Variants in ST8SIA5 observed in about 807,000 individuals in gnomAD.
The protein encoded by ST8SIA5 is ST8 alpha-N-acetyl-neuraminide alpha-2,8-sialyltransferase 5.
ST8SIA5 carries 24 observed loss-of-function variants against 40.2 expected under a neutral mutation model. The ratio of observed to expected loss-of-function variants is 0.60; its 90% CI spans 0.43 to 0.84. The LOEUF (loss-of-function observed/expected upper bound fraction) is 0.84. ST8SIA5 is among the 40% of genes least tolerant of loss of function. The pLI is 0.00. For synonymous variants in ST8SIA5, 198 were observed against 201.8 expected (o/e 0.98, Z 0.16); for missense variants, 465 against 498.5 (o/e 0.93, Z 0.64).
Position 46,677,963 on chromosome 18 carries a change from A to G in ST8SIA5, c.*2079T>C, listed in dbSNP as rs1411635135. On this transcript the variant is annotated 3_prime_UTR_variant, in exon 7 of 7. Transcript: ENST00000315087. ...AAAGTGGAACAAAATGGTCTTTAAG[A>G]ACCTTCTAGTTTTTATATTCCATGG... 2.0e-5 allele frequency: 3 copies of G among 152,208 alleles called. No individual in the cohort carries two copies. Among genetic ancestry groups the G allele is most frequent in the African/African-American group, 7.2e-5 (3 of 41,452 alleles). 9.4% of individuals were successfully genotyped at this position (152,208 alleles called of 1,614,324 possible).
At chr18:46,729,289 C>A (rs1169582247) in intron 1 of ST8SIA5, among the ~76,000 whole-genome samples, 1 of 152,106 alleles carries the variant, frequency 6.6e-6, no homozygotes, top group African/African-American at 2.4e-5. Context: ...ATGGTCCTTC[C>A]TAGGGAAGAA....
intron 1 of ST8SIA5, among the ~76,000 whole-genome samples, chr18:46,745,265 A>G (rs1468939778): frequency 1.3e-5 from 2 of 152,206 alleles, no homozygotes; most frequent in East Asian, 3.8e-4. Context: ...CAAAAAATCA[A>G]CAAATCCAGG....
At chr18:46,683,058 G>A (rs1250985373) in intron 5 of ST8SIA5, among the ~76,000 whole-genome samples, 1 of 152,056 alleles carries the variant, frequency 6.6e-6, no homozygotes, top group East Asian at 1.9e-4. Flanking sequence ...AATAGGAAAC[G>A]AATACGGCCC....
At chr18:46,697,833 T>A (rs1157087542) in intron 2 of ST8SIA5, among the ~76,000 whole-genome samples, 2 of 151,066 alleles carry the variant, frequency 1.3e-5, no homozygotes, top group African/African-American at 4.9e-5. Flanking sequence ...AGTTGAAGAG[T>A]CTGGACACAA....
At chr18:46,726,895 G>T (rs1252436019) in intron 1 of ST8SIA5, among the ~76,000 whole-genome samples, 1 of 152,158 alleles carries the variant, frequency 6.6e-6, no homozygotes, top group Non-Finnish European at 1.5e-5. Flanking sequence ...TGAGCAAACA[G>T]AGCGAGACTC....
intron 3 of ST8SIA5, chr18:46,691,563 C>T (rs1315102857): frequency 6.5e-6 from 1 of 152,858 alleles, no homozygotes; most frequent in Non-Finnish European, 1.5e-5. Context: ...CTAAAGTTCA[C>T]CATCCATCAA....
At chr18:46,717,133 G>A (rs867388137) in intron 1 of ST8SIA5, among the ~76,000 whole-genome samples, 20 of 152,202 alleles carry the variant, frequency 1.3e-4, no homozygotes, top group Admixed American at 6.5e-4. Flanking sequence ...TGAGGGCACC[G>A]CTGCCTCCCC....
rs919622909 is a variant in ST8SIA5 at position 46,756,827 on chromosome 18, G to A, written c.-319C>T. ...GCCGATTTCCCCGCGGAGGGGAGAC[G>A]CCAGGTGCCACGAGCCGGAGGCGGC... is the stretch of plus-strand genomic sequence containing the variant. On this transcript the variant is annotated 5_prime_UTR_variant, in exon 1 of 7. Coordinates refer to ENST00000315087, the MANE Select transcript of ST8SIA5 (RefSeq NM_013305.6). 3.3e-6 allele frequency: 1 copy of A among 298,584 alleles called. No individual in the cohort carries two copies. The highest frequency in any genetic ancestry group is 6.2e-6 in the Non-Finnish European group (1 of 162,262). 18.5% of individuals were successfully genotyped at this position (298,584 alleles called of 1,614,324 possible).
At chr18:46,696,223 C>T (rs1001053155) in intron 2 of ST8SIA5, among the ~76,000 whole-genome samples, 29 of 152,170 alleles carry the variant, frequency 1.9e-4, no homozygotes, top group African/African-American at 7.0e-4. Context: ...ACCTTCCTTC[C>T]AGCTTTCCCA....
chr18:46,754,532 G>A (rs2040223439), intron 1 of ST8SIA5, among the ~76,000 whole-genome samples: 1 of 152,134 alleles, frequency 6.6e-6, no homozygotes, highest in African/African-American at 2.4e-5. Flanking sequence ...ACGCTTCCAG[G>A]ATCAGCCCTA....
rs928237077 is a variant in ST8SIA5 at position 46,756,853 on chromosome 18, C to T, written c.-345G>A. ...CCAGGTGCCACGAGCCGGAGGCGGC[C>T]CCTCCCGCCGAGGTGGCGGCCAATG... is the stretch of plus-strand genomic sequence containing the variant. On this transcript the variant is annotated 5_prime_UTR_variant, in exon 1 of 7. Coordinates refer to ENST00000315087, the MANE Select transcript of ST8SIA5 (RefSeq NM_013305.6). 133 of 260,670 alleles carry T rather than the reference C, an allele frequency of 5.1e-4. 2 individuals carry two copies. The highest frequency in any genetic ancestry group is 1.2e-4 in the Admixed American group (2 of 17,260). The allele number at this position is 260,670 out of a possible 1,614,324, so 16.1% of individuals were successfully genotyped here.
rs1394902925 is a variant in ST8SIA5 at position 46,680,487 on chromosome 18, C to T, written c.686G>A (p.Arg229Gln). The change falls in exon 7 of 7, where the codon CGG (arginine) becomes CAG (glutamine). Residue 229 changes from arginine to glutamine, a missense_variant. By Grantham distance (43) the Arg-to-Gln change is conservative (BLOSUM62 1). Transcript: ENST00000315087. ...TERFHKLEKW[R>Q]RPFYRVLQVY... Reference sequence around the variant, plus strand: ...CTGCAGCACGCGATAGAACGGCCGCCGCCACTTCTCCAGCTTGTGGAACCT... The same window carrying T: ...CTGCAGCACGCGATAGAACGGCCGCTGCCACTTCTCCAGCTTGTGGAACCT... 1.3e-6 allele frequency: 2 copies of T among 1,595,340 alleles called. No individual in the cohort carries two copies. Among genetic ancestry groups the T allele is most frequent in the Admixed American group, 1.7e-5 (1 of 59,042 alleles).
At chr18:46,712,045 A>C (rs1422751979) in intron 1 of ST8SIA5, among the ~76,000 whole-genome samples, 1 of 152,192 alleles carries the variant, frequency 6.6e-6, no homozygotes, top group Non-Finnish European at 1.5e-5. Flanking sequence ...TGGGGGTAGC[A>C]GGGCAAAGCC....
In ST8SIA5 at chr18:46,710,403, C is replaced by CTGTCTT. The variant is rs1555695707; in HGVS notation, c.132-5740_132-5739insAAGACA. Among the ~76,000 whole-genome samples the CTGTCTT allele has an allele frequency of 2.2e-3, 272 of 124,406 alleles. 6 individuals are homozygous for CTGTCTT. In the East Asian group the frequency reaches 0.031, roughly 14 times the overall value. 81.6% of individuals were successfully genotyped at this position (124,406 alleles called of 152,430 possible). On this transcript the variant is annotated intron_variant, in intron 1 of 6. Coordinates refer to ENST00000315087, the MANE Select transcript of ST8SIA5 (RefSeq NM_013305.6). ...TCTTTCTTTCTTTCTTTCTTTCTTT[C>CTGTCTT]TTTCTTTCTTTCTTTTTCTTTCTCT...
Position 46,682,038 on chromosome 18 carries a change from T to C in ST8SIA5, c.596A>G (p.Lys199Arg), listed in dbSNP as rs994830393. ...CTTCACCCCCACATCCATGGTGTAC[T>C]TCTCTGAGATGGGGGGCAGGTTGCA... is the stretch of plus-strand genomic sequence containing the variant. Reference protein sequence around the residue: ...FRCNLPPISEKYTMDVGVKTD... With the variant: ...FRCNLPPISERYTMDVGVKTD... Residue 199 changes from lysine (K) to arginine (R), a missense_variant, in exon 6 of 7, where the codon AAG becomes AGG. Lys to Arg is a conservative substitution (Grantham distance 26). Coordinates refer to ENST00000315087, the MANE Select transcript of ST8SIA5 (RefSeq NM_013305.6). 1 of 1,609,790 alleles carries C rather than the reference T, an allele frequency of 6.2e-7. No individual in the cohort carries two copies.
intron 2 of ST8SIA5, among the ~76,000 whole-genome samples, chr18:46,699,450 G>A (rs2039589031): frequency 6.6e-6 from 1 of 151,628 alleles, no homozygotes; most frequent in Non-Finnish European, 1.5e-5. Flanking sequence ...TGTGATCTCG[G>A]CTCACTGCAA....
intron 5 of ST8SIA5, chr18:46,685,938 C>T: frequency 5.4e-6 from 3 of 552,568 alleles, no homozygotes; most frequent in Non-Finnish European, 9.8e-6. Context: ...TCTGTGATGT[C>T]CTTTGCTCTT....
chr18:46,704,908 A>C (rs567656267), intron 1 of ST8SIA5, among the ~76,000 whole-genome samples: 55 of 152,206 alleles, frequency 3.6e-4, no homozygotes, highest in Non-Finnish European at 6.0e-4. Flanking sequence ...CAGAGGCATA[A>C]ACAGATTTCA....
chr18:46,709,370 G>T (rs1282900002), intron 1 of ST8SIA5, among the ~76,000 whole-genome samples: 1 of 152,130 alleles, frequency 6.6e-6, no homozygotes, highest in African/African-American at 2.4e-5. Context: ...CTTGATCTTG[G>T]ACTTCCCAGC....
Sources: allele counts gnomAD v4.1 joint callset (sites outside exome capture counted in the v4.1 genomes callset), GRCh38; gene constraint gnomAD v4.1.1; transcripts MANE v1.5; gene names NCBI Gene and HGNC (gene_info 2026-07-23, HGNC 2026-07-21).